Variants in MYOM1 observed in about 807,000 individuals in gnomAD.
MYOM1 encodes myomesin 1.
In MYOM1, 164 loss-of-function variants were observed where a neutral mutation model predicts 205.3. The ratio of observed to expected loss-of-function variants is 0.80; its 90% CI spans 0.70 to 0.91. The LOEUF is 0.91. MYOM1 is among the 40% of genes least tolerant of loss of function. The probability of loss-of-function intolerance (pLI) is 0.00; values close to 1 mark genes in which losing one functional copy is unlikely to be tolerated. For missense variants in MYOM1, 2,011 were observed against 2,127.3 expected, an observed-to-expected ratio of 0.95 and a Z score of 1.08; for synonymous variants, 772 against 789.4, an observed-to-expected ratio of 0.98 and a Z score of 0.37.
At chr18:3,244,421 A>G in the MYOM1 span, among the ~76,000 whole-genome samples, 1 of 152,206 alleles carries the variant, frequency 6.6e-6, no homozygotes, top group Non-Finnish European at 1.5e-5. Flanking sequence ...AGATATAATT[A>G]AAATATAATT....
intron 2 of MYOM1, among the ~76,000 whole-genome samples, chr18:3,205,502 A>G (rs918258493): frequency 3.9e-5 from 6 of 152,220 alleles, no homozygotes; most frequent in African/African-American, 1.4e-4. Flanking sequence ...AATGCAAATC[A>G]AAACCACAAC....
At chr18:3,197,627 A>G (rs537837900) in intron 2 of MYOM1, among the ~76,000 whole-genome samples, 4,334 of 152,144 alleles carry the variant, frequency 0.028, 88 homozygotes, top group Non-Finnish European at 0.045. Context: ...TAATCCCAGC[A>G]CGTTGGGAGG....
intron 36 of MYOM1, among the ~76,000 whole-genome samples, chr18:3,072,351 T>TG (rs2143626012): frequency 2.3e-5 from 2 of 88,570 alleles, no homozygotes; most frequent in African/African-American, 7.5e-5. Context: ...CGCACCCGGC[T>TG]TTTTTTTTTT....
At chr18:3,156,420 C>G (rs960339311) in intron 10 of MYOM1, among the ~76,000 whole-genome samples, 1 of 152,176 alleles carries the variant, frequency 6.6e-6, no homozygotes, top group Non-Finnish European at 1.5e-5. Flanking sequence ...CTGTGAAGAG[C>G]TCAAGCCACT....
chr18:3,123,273 A>T (rs2079724403), intron 19 of MYOM1, among the ~76,000 whole-genome samples: 1 of 152,232 alleles, frequency 6.6e-6, no homozygotes, highest in Non-Finnish European at 1.5e-5. Flanking sequence ...AAAGAACTTC[A>T]AGGTAACATT....
At chr18:3,137,137 A>AG (rs1411045319) in intron 14 of MYOM1, among the ~76,000 whole-genome samples, 1 of 151,710 alleles carries the variant, frequency 6.6e-6, no homozygotes, top group Non-Finnish European at 1.5e-5. Context: ...TTTTTAGTAG[A>AG]GGGGGGTTTC....
At chr18:3,224,962 G>A (rs1309047548), upstream of MYOM1, among the ~76,000 whole-genome samples, 1 of 151,702 alleles carries the variant, frequency 6.6e-6, no homozygotes, top group Non-Finnish European at 1.5e-5. Context: ...ACCGTGCCCG[G>A]CCTATTATTA....
intron 5 of MYOM1, among the ~76,000 whole-genome samples, chr18:3,178,757 AGG>A (rs1193283503): frequency 6.6e-6 from 1 of 152,212 alleles, no homozygotes; most frequent in Non-Finnish European, 1.5e-5. Context: ...TCTCTGCATC[AGG>A]GTTCCTTGCT....
chr18:3,192,885 T>A (rs1185635898), intron 3 of MYOM1, among the ~76,000 whole-genome samples: 1 of 74,936 alleles, frequency 1.3e-5, no homozygotes, highest in Non-Finnish European at 4.0e-5. Flanking sequence ...TATGATGAGA[T>A]TTTTTCCCCC....
chr18:3,142,453 T>C lies in MYOM1; in HGVS notation c.1901-390A>G, dbSNP rs528681270. On this transcript the variant is annotated intron_variant, in intron 13 of 37. Transcript: ENST00000356443. ...ATTCAAAAAAAAATATTTTTTTTTG[T>C]AGAGTTGAGGACTCCCTATGTTGCC... Among the ~76,000 whole-genome samples the C allele has an allele frequency of 4.6e-5, 7 of 152,032 alleles. No individual in the cohort carries two copies. The East Asian group carries it at 1.4e-3, about 29-fold the overall frequency.
chr18:3,164,134 G>A, intron 10 of MYOM1, 144 bp downstream of exon 10: 1 of 853,592 alleles, frequency 1.2e-6, no homozygotes, highest in Non-Finnish European at 1.8e-6. Flanking sequence ...TGGGATTACA[G>A]GCGTGAGACA....
Position 3,187,519 on chromosome 18 carries a change from T to G in MYOM1, c.890A>C (p.His297Pro). 1 of 1,613,934 alleles carries G rather than the reference T, an allele frequency of 6.2e-7. No individual in the cohort carries two copies. The highest frequency in any genetic ancestry group is 2.2e-5 in the East Asian group (1 of 44,876). ...TVWEKENVKL[H>P]CSIAGWPEPR... Reference sequence around the variant, plus strand: ...TTCTGGCCAGCCTGCTATGGAGCAATGCAATTTTACATTCTCCTTCTCCCA... The same window carrying G: ...TTCTGGCCAGCCTGCTATGGAGCAAGGCAATTTTACATTCTCCTTCTCCCA... Residue 297 changes from histidine (H) to proline (P), a missense_variant, in exon 5 of 38, where the codon CAT (histidine) becomes CCT (proline). His to Pro is a moderately conservative substitution (Grantham distance 77). Coordinates refer to ENST00000356443, the MANE Select transcript of MYOM1 (RefSeq NM_003803.4).
chr18:3,135,644 C>T lies in MYOM1; in HGVS notation c.2112G>A (p.Glu704=), dbSNP rs1305051678. Reference sequence around the variant, plus strand: ...GGACACGGAAACAGTAGGATTTCCCCTCGGCCAAGTCAAACAGAGCAAAGC... The same window carrying T: ...GGACACGGAAACAGTAGGATTTCCCTTCGGCCAAGTCAAACAGAGCAAAGC... ...SPRFALFDLA[E]GKSYCFRVRC... Residue 704 remains glutamate, a synonymous_variant, in exon 15 of 38, where the codon GAG becomes GAA. Transcript: ENST00000356443. This position sits in a 1 kb window ranked among gnomAD's most constrained non-coding sequence, Gnocchi z 4.1. The T allele has an allele frequency of 3.1e-6, 5 of 1,613,814 alleles. No homozygotes were observed. Among genetic ancestry groups the T allele is most frequent in the Middle Eastern group, 1.6e-4 (1 of 6,084 alleles).
In MYOM1 at chr18:3,145,306, T is replaced by C. The variant is rs371153849; in HGVS notation, c.1901-3243A>G. Among the ~76,000 whole-genome samples, 248 of 139,896 alleles carry C rather than the reference T, an allele frequency of 1.8e-3. 1 individual carries two copies. Among genetic ancestry groups the C allele is most frequent in the African/African-American group, 6.9e-3 (239 of 34,776 alleles). The allele number at this position is 139,896 out of a possible 152,430, so 91.8% of individuals were successfully genotyped here. ...GCCTGGGAAACAGAGTGAGACTCCATCTCAAAAAAAAAAAAAAATACAATG... is the reference window on the plus strand; with the variant it reads ...GCCTGGGAAACAGAGTGAGACTCCACCTCAAAAAAAAAAAAAAATACAATG... On this transcript the variant is annotated intron_variant, in intron 13 of 37. Transcript: ENST00000356443.
intron 12 of MYOM1, 131 bp downstream of exon 12, chr18:3,151,563 T>A: frequency 1.5e-6 from 1 of 683,366 alleles, no homozygotes. Flanking sequence ...TCGGATTTTC[T>A]GATGAAAAAA....
At chr18:3,212,078 A>G (rs1019032479) in intron 2 of MYOM1, among the ~76,000 whole-genome samples, 2 of 152,210 alleles carry the variant, frequency 1.3e-5, no homozygotes, top group African/African-American at 4.8e-5. Flanking sequence ...TTCTAGGTCT[A>G]AAAAAAGAAA....
At chr18:3,088,513 C>G (rs72858631) in intron 29 of MYOM1, among the ~76,000 whole-genome samples, 12,287 of 152,152 alleles carry the variant, frequency 0.081, 613 homozygotes, top group Middle Eastern at 0.12. Flanking sequence ...GAAATCCAGA[C>G]CAAATGCCAC....
At chr18:3,073,518 G>C (rs781315506) in intron 36 of MYOM1, among the ~76,000 whole-genome samples, 1 of 152,252 alleles carries the variant, frequency 6.6e-6, no homozygotes, top group Non-Finnish European at 1.5e-5. Context: ...CATGCCACCT[G>C]TAAGCCTAAC....
intron 19 of MYOM1, among the ~76,000 whole-genome samples, chr18:3,123,511 T>C (rs542110373): frequency 4.3e-4 from 65 of 152,092 alleles, no homozygotes; most frequent in African/African-American, 1.4e-3. Context: ...AAAAATAACA[T>C]GTTCATGGAT....
Sources: allele counts gnomAD v4.1 joint callset (sites outside exome capture counted in the v4.1 genomes callset), GRCh38; gene constraint gnomAD v4.1.1; non-coding constraint Gnocchi (gnomAD v3.1); transcripts MANE v1.5; gene names NCBI Gene and HGNC (gene_info 2026-07-23, HGNC 2026-07-21).